Variants in DDX60 observed in about 807,000 individuals in gnomAD.
DDX60 encodes the protein DExD/H-box helicase 60, also known as probable ATP-dependent RNA helicase DDX60.
In DDX60, 165 loss-of-function variants were observed where a neutral mutation model predicts 212.8. The observed-to-expected ratio is 0.78, with a 90% CI of 0.68 to 0.88. DDX60 has a LOEUF of 0.88. Among genes scored for constraint, DDX60 ranks in the 40% least tolerant of loss-of-function variants. The pLI, the probability that DDX60 is intolerant of heterozygous loss-of-function variation, is 0.00. For synonymous variants in DDX60, 703 were observed against 685.3 expected, an observed-to-expected ratio of 1.03 and a Z score of -0.40; for missense variants, 1,905 against 2,003.9, an observed-to-expected ratio of 0.95 and a Z score of 0.94.
intron 29 of DDX60, 70 bp downstream of exon 29, chr4:168,248,118 T>C (rs936605341): frequency 5.2e-5 from 51 of 983,068 alleles, no homozygotes; most frequent in Non-Finnish European, 7.0e-5. Flanking sequence ...AAACTAAAGG[T>C]TCACATGTTT....
intron 1 of DDX60, among the ~76,000 whole-genome samples, chr4:168,316,058 A>G (rs1314796766): frequency 6.6e-6 from 1 of 152,230 alleles, no homozygotes; most frequent in African/African-American, 2.4e-5. Context: ...TTAAAGAGAT[A>G]ATACAGAAAA....
At chr4:168,236,161 G>A in intron 33 of DDX60, 91 bp downstream of exon 33, 1 of 1,263,310 alleles carries the variant, frequency 7.9e-7, no homozygotes, top group Non-Finnish European at 1.1e-6. Context: ...ACTGCCCTTT[G>A]AATTAAAATT....
At chr4:168,309,646 T>G (rs184380707) in intron 3 of DDX60, among the ~76,000 whole-genome samples, 1 of 152,192 alleles carries the variant, frequency 6.6e-6, no homozygotes, top group East Asian at 1.9e-4. Context: ...TATCTAAAAC[T>G]GGAAAATCTA....
rs986959071 is a variant in DDX60 at position 168,301,627 on chromosome 4, G to A, written c.723+673C>T. ...AGCACTAGGACAGCTGTCCCTTACG[G>A]TGGAATTCCAAGGAAAGAGTGAAAT... On this transcript the variant is annotated intron_variant, in intron 6 of 37. Coordinates refer to ENST00000393743, the MANE Select transcript of DDX60 (RefSeq NM_017631.6). Among the ~76,000 whole-genome samples the A allele has an allele frequency of 7.9e-5, 12 of 152,202 alleles. No homozygotes were observed. In the Middle Eastern group the frequency reaches 0.014, roughly 173 times the overall value.
At chr4:168,284,731 T>C (rs2149528979) in intron 12 of DDX60, 89 bp downstream of exon 12, 1 of 617,302 alleles carries the variant, frequency 1.6e-6, no homozygotes, top group East Asian at 3.0e-5. Context: ...AAAAATTTAA[T>C]TTGTGTCTTA....
rs1734386301 is a variant in DDX60, at chr4:168,255,827, GC to G, written c.3440del (p.Ser1147ThrfsTer4). The G allele has an allele frequency of 6.2e-7, 1 of 1,603,672 alleles. No homozygotes were observed. Among genetic ancestry groups the G allele is most frequent in the African/African-American group, 1.4e-5 (1 of 73,970 alleles). On this transcript the variant is annotated frameshift_variant, in exon 26 of 38. Transcript: ENST00000393743. LOFTEE classifies it high-confidence loss of function. ...GAVENAAESV[S>X]TFLKKKQETK... ...TCTCCTGCTTTTTCTTTAGGAAAGT[GC>G]TCACACTTTCAGCTGCGTTTTCTAC...
Position 168,225,526 on chromosome 4 carries a change from TA to T in DDX60, c.4681+2del. 1 of 1,602,650 alleles carries T rather than the reference TA, an allele frequency of 6.2e-7. No homozygotes were observed. Among genetic ancestry groups the T allele is most frequent in the Non-Finnish European group, 8.5e-7 (1 of 1,175,888 alleles). ...TTCCACAATGGAGGTAAAATATACT[TA>T]CTGATTTTTGACAATGGGAGTTGAT... On this transcript the variant is annotated splice_donor_variant, in intron 34 of 37. Transcript: ENST00000393743. LOFTEE classifies it high-confidence loss of function.
chr4:168,315,966 AG>A (rs1737353083), intron 1 of DDX60, among the ~76,000 whole-genome samples: 1 of 152,180 alleles, frequency 6.6e-6, no homozygotes, highest in African/African-American at 2.4e-5. Flanking sequence ...TGGGTCGAAT[AG>A]TATTTCTGGT....
upstream of DDX60, among the ~76,000 whole-genome samples, chr4:168,321,295 CAG>C (rs536239615): frequency 1.4e-3 from 208 of 152,264 alleles, no homozygotes; most frequent in Non-Finnish European, 2.6e-3. Flanking sequence ...TTTGTCCTAT[CAG>C]GGTGAACTCC....
chr4:168,288,427 G>C (rs1247788715), intron 8 of DDX60, 112 bp from the exon 9 acceptor site: 2 of 692,606 alleles, frequency 2.9e-6, no homozygotes, highest in Admixed American at 7.6e-5. Context: ...TCCAATCCTT[G>C]TTTAGGCAAG....
chr4:168,317,828 A>C (rs1406058522), intron 1 of DDX60, among the ~76,000 whole-genome samples: 3 of 152,182 alleles, frequency 2.0e-5, no homozygotes, highest in African/African-American at 7.2e-5. Flanking sequence ...TCTCAGGGTG[A>C]AATCTAAAGA....
At chr4:168,316,445 T>C (rs984330807) in intron 1 of DDX60, among the ~76,000 whole-genome samples, 2 of 152,062 alleles carry the variant, frequency 1.3e-5, no homozygotes, top group Non-Finnish European at 2.9e-5. Context: ...AAGGGATGAA[T>C]GAAAGAAAAA....
chr4:168,272,468 T>G (rs1387622830), intron 18 of DDX60, among the ~76,000 whole-genome samples: 1 of 152,194 alleles, frequency 6.6e-6, no homozygotes. Context: ...AGAGTTTAGA[T>G]TGAAAGATGT....
chr4:168,246,610 G>A lies in DDX60; in HGVS notation c.3972C>T (p.Gly1324=). 1 of 1,613,984 alleles carries A rather than the reference G, an allele frequency of 6.2e-7. No individual in the cohort carries two copies. The highest frequency in any genetic ancestry group is 1.1e-5 in the South Asian group (1 of 91,072). Residue 1324 remains glycine (G), a synonymous_variant, in exon 30 of 38, where the codon GGC becomes GGT. Transcript: ENST00000393743. ...GGTCTTGACCTCTTCTTCCAGCACG[G>A]CCAGACATCTGAAAAGAGAATAGAA... ...LDALNYRQMS[G]RAGRRGQDLM...
At chr4:168,313,163 T>C (rs1737214936) in intron 1 of DDX60, among the ~76,000 whole-genome samples, 1 of 151,934 alleles carries the variant, frequency 6.6e-6, no homozygotes, top group Non-Finnish European at 1.5e-5. Flanking sequence ...TGAGAGGGAG[T>C]TCCTAAATCA....
At chr4:168,297,366 GAAAGAAAGAAAGAAAGAGAA>G (rs1220604658) in intron 6 of DDX60, among the ~76,000 whole-genome samples, 139 of 54,026 alleles carry the variant, frequency 2.6e-3, no homozygotes, top group Non-Finnish European at 3.4e-3. Flanking sequence ...AAGAAAGAAA[GAAAGAAAGAAAGAAAGAGAA>G]AGAAAGAAAG....
intron 1 of DDX60, 64 bp from the exon 2 acceptor site, chr4:168,311,429 G>C: frequency 1.6e-6 from 1 of 611,808 alleles, no homozygotes; most frequent in Non-Finnish European, 2.9e-6. Flanking sequence ...ACTACTATAT[G>C]TAAAGCAAAA....
chr4:168,274,762 TAA>T (rs1735258243), intron 16 of DDX60, among the ~76,000 whole-genome samples: 1 of 151,700 alleles, frequency 6.6e-6, no homozygotes, highest in Non-Finnish European at 1.5e-5. Flanking sequence ...CCCACCATCA[TAA>T]GAAAGATTCT....
intron 25 of DDX60, among the ~76,000 whole-genome samples, chr4:168,259,368 G>A (rs11730291): frequency 0.016 from 2,497 of 152,246 alleles, 26 homozygotes; most frequent in Non-Finnish European, 0.027. Flanking sequence ...AGTGAAATGG[G>A]TGAGCTTTGT....
Sources: gnomAD v4.1 joint callset for allele counts (sites outside exome capture counted in the v4.1 genomes callset) on GRCh38, gnomAD v4.1.1 for gene constraint, MANE v1.5 for transcripts, NCBI Gene and HGNC (gene_info 2026-07-23, HGNC 2026-07-21) for gene names.